FAM234B: variants seen among roughly 807,000 people sequenced by gnomAD.
FAM234B encodes the protein protein FAM234B.
FAM234B carries 33 observed loss-of-function variants against 69.3 expected under a neutral mutation model. The ratio of observed to expected loss-of-function variants is 0.48; its 90% CI spans 0.36 to 0.64. FAM234B has a LOEUF of 0.64. FAM234B is among the 30% of genes least tolerant of loss of function. The pLI is 0.00. For missense variants in FAM234B, 697 were observed against 769.7 expected (o/e 0.91, Z 1.12); for synonymous variants, 306 against 306.9 (o/e 1.00, Z 0.03).
At chr12:13,046,200 A>C (rs1347389947) in intron 1 of FAM234B, among the ~76,000 whole-genome samples, 1 of 96,580 alleles carries the variant, frequency 1.0e-5, no homozygotes, top group Non-Finnish European at 1.9e-5. Context: ...CTGATCTCGG[A>C]AGCTAAGCAG....
chr12:13,058,981 C>T (rs536313551), intron 3 of FAM234B, among the ~76,000 whole-genome samples: 54 of 152,358 alleles, frequency 3.5e-4, no homozygotes, highest in Admixed American at 1.1e-3. Flanking sequence ...ACAAATACCT[C>T]TTGGCCGGGT....
rs373841613 is a variant in FAM234B at position 13,060,011 on chromosome 12, GT to G, written c.532+1463del. Among the ~76,000 whole-genome samples the G allele has an allele frequency of 2.9e-3, 442 of 152,298 alleles. 2 individuals carry two copies. Among genetic ancestry groups the G allele is most frequent in the African/African-American group, 1.0e-2 (415 of 41,542 alleles). ...ATAGCGAACATATGGTGCTTTCTAT[GT>G]GTTAATACACCATTGTCAGCACATA... is the stretch of plus-strand genomic sequence containing the variant. On this transcript the variant is annotated intron_variant, in intron 3 of 12. Transcript: ENST00000197268.
chr12:13,044,573 G>A lies in FAM234B; in HGVS notation c.37+133G>A. On this transcript the variant is annotated intron_variant, in intron 1 of 12. Transcript: ENST00000197268. The surrounding 1 kb of genome is among the most constrained non-coding windows in gnomAD (Gnocchi z 5.6). ...AGCTGCAGGCGCCCGGTGCCGAGGA[G>A]GGTGCAGTCCCTTGGGGCTGGGGTC... The A allele has an allele frequency of 1.0e-6, 1 of 956,188 alleles. No individual in the cohort carries two copies. The highest frequency in any genetic ancestry group is 1.6e-6 in the Non-Finnish European group (1 of 627,376). The allele number at this position is 956,188 out of a possible 1,614,324, so 59.2% of individuals were successfully genotyped here.
intron 3 of FAM234B, among the ~76,000 whole-genome samples, chr12:13,060,836 G>T (rs1319899811): frequency 6.6e-6 from 1 of 152,126 alleles, no homozygotes; most frequent in Non-Finnish European, 1.5e-5. Context: ...GTAATTAAGT[G>T]ACATAAAGGC....
chr12:13,074,501 A>G (rs768724610), intron 10 of FAM234B, among the ~76,000 whole-genome samples: 20 of 152,328 alleles, frequency 1.3e-4, no homozygotes, highest in South Asian at 1.0e-3. Flanking sequence ...CTAAGAGGCA[A>G]ATAAGATTGG....
chr12:13,070,196 T>C (rs1414481842), intron 9 of FAM234B, among the ~76,000 whole-genome samples: 1 of 115,678 alleles, frequency 8.6e-6, no homozygotes, highest in East Asian at 3.5e-4. Context: ...TATATATATA[T>C]ATATATATAT....
At chr12:13,051,557 G>T (rs2120446665) in intron 1 of FAM234B, among the ~76,000 whole-genome samples, 1 of 152,340 alleles carries the variant, frequency 6.6e-6, no homozygotes, top group Non-Finnish European at 1.5e-5. Flanking sequence ...TTACGTTATA[G>T]AAATTGAATT....
intron 9 of FAM234B, among the ~76,000 whole-genome samples, chr12:13,070,172 GATATAT>G (rs66463903): frequency 0.038 from 5,349 of 139,670 alleles, 192 homozygotes; most frequent in South Asian, 0.067. Flanking sequence ...ATTAAAAAAA[GATATAT>G]ATATATATAT....
At chr12:13,072,970 G>A (rs1865123318) in intron 10 of FAM234B, among the ~76,000 whole-genome samples, 2 of 152,120 alleles carry the variant, frequency 1.3e-5, no homozygotes, top group South Asian at 4.1e-4. Context: ...GAACCATAAG[G>A]TGGATGCCTC....
rs1267586889 is a variant in FAM234B, at chr12:13,081,747, G to A, written c.*1117G>A. Reference sequence around the variant, plus strand: ...TACTATAACTTTTATAAATGGTTAAGTTATTTAGAATTATCTCCAGTGCTT... The same window carrying A: ...TACTATAACTTTTATAAATGGTTAAATTATTTAGAATTATCTCCAGTGCTT... On this transcript the variant is annotated 3_prime_UTR_variant, in exon 13 of 13. Transcript: ENST00000197268. 1 of 152,092 alleles carries A rather than the reference G, an allele frequency of 6.6e-6. No homozygotes were observed. The highest frequency in any genetic ancestry group is 2.4e-5 in the African/African-American group (1 of 41,424). 9.4% of individuals were successfully genotyped at this position (152,092 alleles called of 1,614,324 possible). A position where few individuals can be genotyped will look rare whatever the true frequency, so the allele number is the denominator to read the frequency against.
At chr12:13,053,907 A>G (rs1004958584) in intron 1 of FAM234B, among the ~76,000 whole-genome samples, 1 of 152,154 alleles carries the variant, frequency 6.6e-6, no homozygotes, top group Non-Finnish European at 1.5e-5. Context: ...TCCCCAGGGT[A>G]TTCCTTGCTG....
chr12:13,078,789 A>G (rs1865190785), intron 11 of FAM234B, among the ~76,000 whole-genome samples: 1 of 152,216 alleles, frequency 6.6e-6, no homozygotes, highest in Admixed American at 6.5e-5. Context: ...CCCATTCACA[A>G]TTGCTTCAAA....
intron 3 of FAM234B, among the ~76,000 whole-genome samples, chr12:13,059,591 A>T (rs1442865965): frequency 6.6e-6 from 1 of 152,202 alleles, no homozygotes. Context: ...ACCTAGTTTG[A>T]TGCTGAGGAT....
chr12:13,082,551 G>C lies in FAM234B; in HGVS notation c.*1921G>C, dbSNP rs1244580145. ...AATAAGAAGATACTTCTAGAGTATG[G>C]GAATGATTCCAGATAATTTCTGGGA... is the stretch of plus-strand genomic sequence containing the variant. On this transcript the variant is annotated 3_prime_UTR_variant, in exon 13 of 13. Transcript: ENST00000197268. The C allele has an allele frequency of 6.6e-6, 1 of 152,172 alleles. No homozygotes were observed. Among genetic ancestry groups the C allele is most frequent in the Non-Finnish European group, 1.5e-5 (1 of 68,042 alleles). 9.4% of individuals were successfully genotyped at this position (152,172 alleles called of 1,614,324 possible). A position where few individuals can be genotyped will look rare whatever the true frequency, so the allele number is the denominator to read the frequency against.
At chr12:13,058,289 A>G (rs986357782) in intron 2 of FAM234B, among the ~76,000 whole-genome samples, 162 bp from the exon 3 acceptor site, 1 of 152,146 alleles carries the variant, frequency 6.6e-6, no homozygotes, top group Admixed American at 6.5e-5. Flanking sequence ...TACAGTGTCC[A>G]GGGCTTTTCC....
intron 11 of FAM234B, among the ~76,000 whole-genome samples, chr12:13,078,948 A>G (rs1048260686): frequency 1.0e-4 from 15 of 149,808 alleles, no homozygotes; most frequent in Admixed American, 9.9e-4. Context: ...CAATATCGTG[A>G]AAATGGCCAT....
At position 13,061,468 on chromosome 12, in the gene FAM234B, T is replaced by C. The variant is rs906259078; in HGVS notation, c.533-107T>C. 6.1e-6 allele frequency: 5 copies of C among 813,484 alleles called. No homozygotes were observed. The Admixed American group carries it at 8.2e-5, about 13-fold the overall frequency. The allele number at this position is 813,484 out of a possible 1,614,324, so 50.4% of individuals were successfully genotyped here. A position where few individuals can be genotyped will look rare whatever the true frequency, so the allele number is the denominator to read the frequency against. On this transcript the variant is annotated intron_variant, in intron 3 of 12. Transcript: ENST00000197268. Reference sequence around the variant, plus strand: ...GAGGGAGCTGAATACACAAGTGTGGTTGCTGCCTTACCACCATCCACTTGC... The same window carrying C: ...GAGGGAGCTGAATACACAAGTGTGGCTGCTGCCTTACCACCATCCACTTGC...
Position 13,066,646 on chromosome 12 carries a change from C to A in FAM234B, c.859C>A (p.Leu287Met). 6.2e-7 allele frequency: 1 copy of A among 1,612,420 alleles called. No individual in the cohort carries two copies. Among genetic ancestry groups the A allele is most frequent in the South Asian group, 1.1e-5 (1 of 90,780 alleles). Residue 287 changes from leucine to methionine, a missense_variant, in exon 6 of 13, where the codon CTG becomes ATG. Around this residue, in one of 3 missense-constraint regions of FAM234B, gnomAD observed 380 missense variants for 447.1 expected, o/e 0.85. Transcript: ENST00000197268. ...CCCTCTCTTACTTCCTCAGCCAGAT[C>A]TGTGCTTTCTGCTGGTGTCTGGCCG... The part of the protein sequence containing the change: ...VLAIGELQPD[L>M]CFLLVSGRTG...
In FAM234B at chr12:13,058,551, T is replaced by G; in HGVS notation, c.532+2T>G. ...TGTCAAGGAACGGGAGTGCAGTAGG[T>G]AAGAGACGTGTTTTTTTCAAGGCTG... On this transcript the variant is annotated splice_donor_variant, in intron 3 of 12. Coordinates refer to ENST00000197268, the MANE Select transcript of FAM234B (RefSeq NM_020853.2). LOFTEE classifies it high-confidence loss of function. 1 of 1,604,778 alleles carries G rather than the reference T, an allele frequency of 6.2e-7. No homozygotes were observed. The highest frequency in any genetic ancestry group is 1.7e-4 in the Middle Eastern group (1 of 6,050).
Sources: gnomAD v4.1 joint callset for allele counts (sites outside exome capture counted in the v4.1 genomes callset) on GRCh38, gnomAD v4.1.1 for gene constraint, gnomAD v4.1.1 regional missense constraint, Gnocchi (gnomAD v3.1) non-coding constraint, MANE v1.5 for transcripts, NCBI Gene and HGNC (gene_info 2026-07-23, HGNC 2026-07-21) for gene names.